The following RAB38 variants were observed in gnomAD, a reference collection of about 807,000 sequenced individuals.
RAB38 encodes the protein RAB38, member RAS oncogene family.
Under a neutral mutation model 18.4 loss-of-function variants are expected in RAB38, and 15 were observed. The ratio of observed to expected loss-of-function variants is 0.82; its 90% CI spans 0.55 to 1.26. The LOEUF (loss-of-function observed/expected upper bound fraction) is 1.26. Ranked by LOEUF, RAB38 falls within the 50% of genes most tolerant of loss-of-function variation. The pLI is 0.00. For synonymous variants in RAB38, 101 were observed against 104.4 expected (o/e 0.97, Z 0.20); for missense variants, 294 against 267.4 (o/e 1.10, Z -0.69).
chr11:88,006,407 G>A, the RAB38 span, among the ~76,000 whole-genome samples: 1 of 151,242 alleles, frequency 6.6e-6, no homozygotes, highest in Non-Finnish European at 1.5e-5. Context: ...ATATGATCCA[G>A]AAATCTCATT....
the RAB38 span, among the ~76,000 whole-genome samples, chr11:88,106,084 C>T: frequency 6.6e-6 from 1 of 152,204 alleles, no homozygotes; most frequent in African/African-American, 2.4e-5. Context: ...TCTTTTGCCT[C>T]TTATTAACCC....
the RAB38 span, among the ~76,000 whole-genome samples, chr11:87,871,710 T>C: frequency 1.3e-5 from 2 of 151,614 alleles, no homozygotes; most frequent in African/African-American, 4.8e-5. Context: ...GGCTAACAAA[T>C]ATTCTAACTG....
chr11:88,113,970 C>CCT lies in RAB38; in HGVS notation c.*17_*18insAG. On this transcript the variant is annotated 3_prime_UTR_variant, in exon 3 of 3. Coordinates refer to ENST00000243662, the MANE Select transcript of RAB38 (RefSeq NM_022337.3). The stretch of plus-strand genomic sequence containing the variant: ...GAACAATGAGGTCATTCCTACCAGA[C>CCT]ACCAGCAAAGGTGCCTACTAGGATT... 1 of 1,613,922 alleles carries CCT rather than the reference C, an allele frequency of 6.2e-7. No individual in the cohort carries two copies. Among genetic ancestry groups the CCT allele is most frequent in the Non-Finnish European group, 8.5e-7 (1 of 1,179,850 alleles).
chr11:87,866,377 G>A, the RAB38 span, among the ~76,000 whole-genome samples: 2 of 151,606 alleles, frequency 1.3e-5, no homozygotes, highest in East Asian at 1.9e-4. Context: ...AGACTCTTCC[G>A]GTACCATTGC....
At chr11:87,909,878 T>C in the RAB38 span, among the ~76,000 whole-genome samples, 2 of 152,142 alleles carry the variant, frequency 1.3e-5, no homozygotes, top group African/African-American at 4.8e-5. Context: ...AACATTCATT[T>C]ACAAATCTTT....
At chr11:87,937,418 A>G in the RAB38 span, among the ~76,000 whole-genome samples, 1 of 144,608 alleles carries the variant, frequency 6.9e-6, no homozygotes, top group Non-Finnish European at 1.5e-5. Context: ...ATTGTTTTGT[A>G]CTGTCTGGTT....
chr11:87,844,885 G>A, the RAB38 span, among the ~76,000 whole-genome samples: 35 of 152,288 alleles, frequency 2.3e-4, no homozygotes, highest in African/African-American at 7.5e-4. Flanking sequence ...GCACAAGATT[G>A]AGCCTAACCT....
the RAB38 span, among the ~76,000 whole-genome samples, chr11:88,016,005 A>G: frequency 2.0e-5 from 3 of 152,148 alleles, no homozygotes; most frequent in African/African-American, 4.8e-5. Context: ...TCTTCAGCTA[A>G]TATTTCGGCA....
chr11:88,122,792 A>G (rs1309258322), intron 2 of RAB38, among the ~76,000 whole-genome samples: 1 of 152,220 alleles, frequency 6.6e-6, no homozygotes, highest in Non-Finnish European at 1.5e-5. Context: ...ATTTATTTTT[A>G]TGATAATTAA....
At chr11:87,950,302 C>A in the RAB38 span, among the ~76,000 whole-genome samples, 20 of 152,120 alleles carry the variant, frequency 1.3e-4, no homozygotes, top group African/African-American at 4.8e-4. Context: ...AGATGGGTTT[C>A]CTGAATACAG....
the RAB38 span, among the ~76,000 whole-genome samples, chr11:87,909,245 A>G: frequency 2.0e-5 from 3 of 152,010 alleles, no homozygotes; most frequent in East Asian, 5.8e-4. Context: ...ATTAGCATTT[A>G]CTAGTCAATG....
the RAB38 span, among the ~76,000 whole-genome samples, chr11:87,803,837 C>T: frequency 6.6e-6 from 1 of 152,142 alleles, no homozygotes; most frequent in Non-Finnish European, 1.5e-5. Context: ...GTCATTTGTC[C>T]CAAGCAAGTT....
chr11:87,976,780 A>G, the RAB38 span, among the ~76,000 whole-genome samples: 1 of 92,970 alleles, frequency 1.1e-5, no homozygotes, highest in Non-Finnish European at 2.0e-5. Context: ...ATATATTTAT[A>G]TATTATATAA....
At chr11:88,005,336 A>G in the RAB38 span, among the ~76,000 whole-genome samples, 1 of 151,348 alleles carries the variant, frequency 6.6e-6, no homozygotes, top group Non-Finnish European at 1.5e-5. Flanking sequence ...AGTCACATAT[A>G]TGTGGTCAAT....
At chr11:87,825,787 A>C in the RAB38 span, among the ~76,000 whole-genome samples, 1 of 152,122 alleles carries the variant, frequency 6.6e-6, no homozygotes, top group Non-Finnish European at 1.5e-5. Context: ...ATATGCTGTC[A>C]AGAGGTGATT....
the RAB38 span, among the ~76,000 whole-genome samples, chr11:88,023,371 A>AC: frequency 5.9e-5 from 9 of 151,584 alleles, no homozygotes; most frequent in African/African-American, 2.2e-4. Flanking sequence ...CAAAAAAAAA[A>AC]CCTACAAAAC....
the RAB38 span, among the ~76,000 whole-genome samples, chr11:88,056,712 G>A: frequency 1.3e-5 from 2 of 152,212 alleles, no homozygotes; most frequent in East Asian, 1.9e-4. Flanking sequence ...GCTGAGGCAG[G>A]AGAATGGCGT....
At chr11:87,828,792 A>G in the RAB38 span, among the ~76,000 whole-genome samples, 2 of 152,178 alleles carry the variant, frequency 1.3e-5, no homozygotes, top group East Asian at 1.9e-4. Flanking sequence ...CTGATTGCCA[A>G]ACAATGTGCT....
At chr11:88,082,479 A>T in the RAB38 span, among the ~76,000 whole-genome samples, 1 of 151,944 alleles carries the variant, frequency 6.6e-6, no homozygotes, top group African/African-American at 2.4e-5. Context: ...CCAGATATCT[A>T]ATAGGAACCT....
Sources: allele counts gnomAD v4.1 joint callset (sites outside exome capture counted in the v4.1 genomes callset), GRCh38; gene constraint gnomAD v4.1.1; transcripts MANE v1.5; gene names NCBI Gene and HGNC (gene_info 2026-07-23, HGNC 2026-07-21).